GJA5: variants seen among roughly 807,000 people sequenced by gnomAD.
GJA5 encodes the protein gap junction alpha-5 protein.
GJA5 carries 3 observed loss-of-function variants against 7.9 expected under a neutral mutation model. The ratio of observed to expected loss-of-function variants is 0.38; its 90% CI spans 0.17 to 0.99. GJA5 has a LOEUF of 0.99. Among genes scored for constraint, GJA5 ranks in the 50% least tolerant of loss-of-function variants. GJA5 has a pLI of 0.38. For synonymous variants in GJA5, 193 were observed against 181.0 expected (o/e 1.07, Z -0.53); for missense variants, 390 against 457.9 (o/e 0.85, Z 1.35).
In GJA5 at chr1:147,758,129, C is replaced by A; in HGVS notation, c.*33G>T. 1 of 1,421,476 alleles carries A rather than the reference C, an allele frequency of 7.0e-7. No individual in the cohort carries two copies. The highest frequency in any genetic ancestry group is 1.1e-5 in the South Asian group (1 of 87,150). 88.1% of individuals were successfully genotyped at this position (1,421,476 alleles called of 1,614,324 possible). A position where few individuals can be genotyped will look rare whatever the true frequency, so the allele number is the denominator to read the frequency against. On this transcript the variant is annotated 3_prime_UTR_variant, in exon 2 of 2. Transcript: ENST00000579774. ...CTTTCCTCTCTGAGCCTCCTTTGTT[C>A]CCACCTGGTCCTGATCCTCCCATAA... is the stretch of plus-strand genomic sequence containing the variant.
intron 1 of GJA5, among the ~76,000 whole-genome samples, chr1:147,772,789 GA>G (rs10687653): frequency 7.9e-6 from 1 of 125,944 alleles, no homozygotes; most frequent in Non-Finnish European, 1.6e-5. Flanking sequence ...GCCTTAGGGA[GA>G]AAAAAAAAAA....
At position 147,756,967 on chromosome 1, in the gene GJA5, A is replaced by G. The variant is rs1553226537; in HGVS notation, c.*1195T>C. 6.6e-6 allele frequency: 1 copy of G among 152,048 alleles called. No individual in the cohort carries two copies. The highest frequency in any genetic ancestry group is 2.4e-5 in the African/African-American group (1 of 41,402). The allele number at this position is 152,048 out of a possible 1,614,324, so 9.4% of individuals were successfully genotyped here. On this transcript the variant is annotated 3_prime_UTR_variant, in exon 2 of 2. Transcript: ENST00000579774. ...CAAGAGAGCTGGAGATTCCCCTACT[A>G]TTTCCTTGCCCCTGCTAAAGCCTCC...
intron 1 of GJA5, among the ~76,000 whole-genome samples, chr1:147,770,662 G>C (rs1481756737): frequency 6.6e-6 from 1 of 152,050 alleles, no homozygotes; most frequent in African/African-American, 2.4e-5. Context: ...GACTCCAAAT[G>C]CCCAGGTTCT....
upstream of GJA5, among the ~76,000 whole-genome samples, chr1:147,764,551 G>A (rs1472788955): frequency 6.6e-5 from 10 of 152,092 alleles, no homozygotes; most frequent in Non-Finnish European, 1.5e-4. Flanking sequence ...TCGGCCGGGT[G>A]TGGTAGCTCA....
Position 147,758,869 on chromosome 1 carries a change from C to T in GJA5, c.370G>A (p.Glu124Lys). ...AKEVRGSGSY[E>K]YPVAEKAELS... ...TCTGCCTTCTCTGCCACCGGGTACT[C>T]GTAAGAGCCAGAGCCCCGGACCTCT... Residue 124 changes from glutamate (E) to lysine (K), a missense_variant, in exon 2 of 2, where the codon GAG becomes AAG. Coordinates refer to ENST00000579774, the MANE Select transcript of GJA5 (RefSeq NM_181703.4). The T allele has an allele frequency of 2.5e-6, 4 of 1,614,214 alleles. No individual in the cohort carries two copies. Among genetic ancestry groups the T allele is most frequent in the East Asian group, 2.2e-5 (1 of 44,876 alleles).
chr1:147,773,015 G>T (rs908542017), intron 1 of GJA5, among the ~76,000 whole-genome samples: 2 of 152,074 alleles, frequency 1.3e-5, no homozygotes, highest in African/African-American at 2.4e-5. Context: ...CCCTCCACTC[G>T]CAATTCTTCA....
At position 147,758,133 on chromosome 1, in the gene GJA5, C is replaced by G; in HGVS notation, c.*29G>C. The G allele has an allele frequency of 6.9e-7, 1 of 1,453,642 alleles. No individual in the cohort carries two copies. Among genetic ancestry groups the G allele is most frequent in the South Asian group, 1.1e-5 (1 of 87,798 alleles). 90.0% of individuals were successfully genotyped at this position (1,453,642 alleles called of 1,614,324 possible). A position where few individuals can be genotyped will look rare whatever the true frequency, so the allele number is the denominator to read the frequency against. On this transcript the variant is annotated 3_prime_UTR_variant, in exon 2 of 2. Coordinates refer to ENST00000579774, the MANE Select transcript of GJA5 (RefSeq NM_181703.4). Reference sequence around the variant, plus strand: ...CCTCTCTGAGCCTCCTTTGTTCCCACCTGGTCCTGATCCTCCCATAAAGGA... The same window carrying G: ...CCTCTCTGAGCCTCCTTTGTTCCCAGCTGGTCCTGATCCTCCCATAAAGGA...
In GJA5 at chr1:147,758,393, G is replaced by A. The variant is rs1553226831; in HGVS notation, c.846C>T (p.Pro282=). 6 of 1,614,050 alleles carry A rather than the reference G, an allele frequency of 3.7e-6. No homozygotes were observed. Among genetic ancestry groups the A allele is most frequent in the South Asian group, 1.1e-5 (1 of 91,090 alleles). ...GTTGGGAGGCCATATTATTGCTGAA[G>A]GGATTGAAGAATTTTCCCCCAGGGC... ...ENGPGGKFFN[P]FSNNMASQQN... is the part of the protein sequence containing the mutation. Residue 282 remains proline (P), a synonymous_variant, in exon 2 of 2, where the codon CCC becomes CCT. Coordinates refer to ENST00000579774, the MANE Select transcript of GJA5 (RefSeq NM_181703.4).
At chr1:147,770,104 C>T (rs373656643) in intron 1 of GJA5, among the ~76,000 whole-genome samples, 1 of 152,232 alleles carries the variant, frequency 6.6e-6, no homozygotes, top group Non-Finnish European at 1.5e-5. Flanking sequence ...CCACCTCTGT[C>T]CTCTCCTGAG....
Position 147,758,534 on chromosome 1 carries a change from T to C in GJA5, c.705A>G (p.Arg235=). The change falls in exon 2 of 2, where the codon AGA becomes AGG. Residue 235 remains arginine (R), a synonymous_variant. Coordinates refer to ENST00000579774, the MANE Select transcript of GJA5 (RefSeq NM_181703.4). ...GCTGCCGCGGTTTGACAAATCGCTG[T>C]CTGATCTTCTTCCAGCCCAGGTGGT... ...ELYHLGWKKI[R]QRFVKPRQHM... 1 of 1,613,814 alleles carries C rather than the reference T, an allele frequency of 6.2e-7. No homozygotes were observed. The highest frequency in any genetic ancestry group is 1.7e-5 in the Admixed American group (1 of 60,028).
At chr1:147,761,166 C>T (rs1278820569), upstream of GJA5, among the ~76,000 whole-genome samples, 3 of 152,228 alleles carry the variant, frequency 2.0e-5, no homozygotes, top group Admixed American at 6.5e-5. Flanking sequence ...CAGTTTAAGC[C>T]TCTAACCATT....
Position 147,759,228 on chromosome 1 carries a change from C to T in GJA5, c.11G>A (p.Trp4Ter), listed in dbSNP as rs1663891360. 1 of 1,612,560 alleles carries T rather than the reference C, an allele frequency of 6.2e-7. No homozygotes were observed. Among genetic ancestry groups the T allele is most frequent in the Admixed American group, 1.7e-5 (1 of 60,000 alleles). The change falls in exon 2 of 2, where the codon TGG (tryptophan) becomes TAG (stop). Residue 4 changes from tryptophan to a stop codon, truncating the protein, a stop_gained. Coordinates refer to ENST00000579774, the MANE Select transcript of GJA5 (RefSeq NM_181703.4). LOFTEE classifies it high-confidence loss of function. Reference sequence around the variant, plus strand: ...CTCCAGGAAATTTCCCAGGAAGCTCCAATCGCCCATCTTGGCACAGCCAGG... The same window carrying T: ...CTCCAGGAAATTTCCCAGGAAGCTCTAATCGCCCATCTTGGCACAGCCAGG... MGD[W>*]SFLGNFLEEV... is the part of the protein sequence containing the mutation.
chr1:147,756,731 T>C lies in GJA5; in HGVS notation c.*1431A>G, dbSNP rs587727245. ...CACACACACACGTGCATTTTAATAA[T>C]GTAATAATCCCTCTATAAGTCTCAG... On this transcript the variant is annotated 3_prime_UTR_variant, in exon 2 of 2. Transcript: ENST00000579774. 2 of 152,222 alleles carry C rather than the reference T, an allele frequency of 1.3e-5. No individual in the cohort carries two copies. Among genetic ancestry groups the C allele is most frequent in the Non-Finnish European group, 2.9e-5 (2 of 68,076 alleles). 9.4% of individuals were successfully genotyped at this position (152,222 alleles called of 1,614,324 possible).
At chr1:147,768,160 G>GGAGAA (rs1310547478) in intron 1 of GJA5, among the ~76,000 whole-genome samples, 37 of 152,298 alleles carry the variant, frequency 2.4e-4, no homozygotes, top group African/African-American at 7.9e-4. Flanking sequence ...AGATAAGAGA[G>GGAGAA]GAGAAGAGAT....
intron 1 of GJA5, among the ~76,000 whole-genome samples, chr1:147,768,216 G>C (rs1446383304): frequency 1.3e-5 from 2 of 152,232 alleles, no homozygotes; most frequent in Non-Finnish European, 2.9e-5. Flanking sequence ...ACTCTGGCCA[G>C]TGGCACCAAT....
chr1:147,770,360 C>A (rs1476232717), intron 1 of GJA5, among the ~76,000 whole-genome samples: 1 of 151,932 alleles, frequency 6.6e-6, no homozygotes, highest in African/African-American at 2.4e-5. Flanking sequence ...GATAGCATGG[C>A]AAGTTAGTGG....
chr1:147,763,321 A>G (rs1339817382), upstream of GJA5, among the ~76,000 whole-genome samples: 1 of 152,238 alleles, frequency 6.6e-6, no homozygotes, highest in Non-Finnish European at 1.5e-5. Flanking sequence ...AACTGCCTTT[A>G]TACCCCTTTA....
intron 1 of GJA5, among the ~76,000 whole-genome samples, chr1:147,772,813 A>G (rs1335240017): frequency 1.3e-5 from 2 of 150,700 alleles, no homozygotes; most frequent in African/African-American, 4.9e-5. Flanking sequence ...AAAGCAAAAC[A>G]CTCCCCTAGA....
intron 1 of GJA5, among the ~76,000 whole-genome samples, chr1:147,772,066 G>A (rs1395962772): frequency 3.3e-5 from 5 of 152,108 alleles, no homozygotes; most frequent in East Asian, 1.9e-4. Flanking sequence ...AGTCAGAGGC[G>A]CTGCACCTCC....
Sources: allele counts gnomAD v4.1 joint callset (sites outside exome capture counted in the v4.1 genomes callset), GRCh38; gene constraint gnomAD v4.1.1; transcripts MANE v1.5; gene names NCBI Gene and HGNC (gene_info 2026-07-23, HGNC 2026-07-21).